The following RAD54B variants were observed in gnomAD, a reference collection of about 807,000 sequenced individuals.
The protein encoded by RAD54B is RAD54 homolog B.
RAD54B carries 78 observed loss-of-function variants against 95.8 expected under a neutral mutation model. That is an observed-to-expected ratio of 0.81 (90% CI 0.68 to 0.98). The LOEUF is 0.98. Ranked by LOEUF, RAD54B falls within the 50% of genes least tolerant of loss-of-function variation. The pLI is 0.00. For missense variants in RAD54B, 957 were observed against 1,056.6 expected, an observed-to-expected ratio of 0.91 and a Z score of 1.31; for synonymous variants, 328 against 354.9, an observed-to-expected ratio of 0.92 and a Z score of 0.85.
chr8:94,430,375 T>C, intron 3 of RAD54B: 8 of 984,946 alleles, frequency 8.1e-6, no homozygotes, highest in South Asian at 9.4e-5. Context: ...TCCAAATTTA[T>C]ATCCCTCAGT....
intron 3 of RAD54B, among the ~76,000 whole-genome samples, chr8:94,441,041 T>G (rs115358929): frequency 9.4e-4 from 143 of 152,316 alleles, no homozygotes; most frequent in African/African-American, 3.4e-3. Context: ...CCAGGCATTG[T>G]ATGGAAGAAC....
chr8:94,447,004 ATAGGGCAAAAAC>A lies in RAD54B; in HGVS notation c.304+11252_304+11263del, dbSNP rs1358944811. Among the ~76,000 whole-genome samples the A allele has an allele frequency of 1.8e-4, 27 of 152,182 alleles. 1 individual carries two copies. On this transcript the variant is annotated intron_variant, in intron 3 of 14. Transcript: ENST00000336148. ...AAAAAAAAAAATCTGTCACATAAAA[ATAGGGCAAAAAC>A]TAGGGTAAATCCAATCTCTAAGAGT...
chr8:94,430,776 T>A lies in RAD54B; in HGVS notation c.305-19461A>T, dbSNP rs1430173548. ...GATTCCTCATTAAAAAATGCAGATT[T>A]CTGGTTTATCCCCGCATGTGAAAAT... On this transcript the variant is annotated intron_variant, in intron 3 of 14. Coordinates refer to ENST00000336148, the MANE Select transcript of RAD54B (RefSeq NM_012415.3). 7.1e-6 allele frequency: 7 copies of A among 985,156 alleles called. No homozygotes were observed. The Admixed American group carries it at 4.3e-4, about 61-fold the overall frequency. 61.0% of individuals were successfully genotyped at this position (985,156 alleles called of 1,614,324 possible). A position where few individuals can be genotyped will look rare whatever the true frequency, so the allele number is the denominator to read the frequency against.
chr8:94,378,030 T>C, intron 14 of RAD54B, 150 bp downstream of exon 14: 2 of 449,994 alleles, frequency 4.4e-6, no homozygotes, highest in Non-Finnish European at 7.8e-6. Context: ...CAAATATCTC[T>C]ATCTGGCAGC....
chr8:94,411,018 A>T, intron 4 of RAD54B, 103 bp downstream of exon 4: 1 of 826,552 alleles, frequency 1.2e-6, no homozygotes, highest in Non-Finnish European at 1.9e-6. Context: ...ATTAAAGAAT[A>T]CCTTATCATC....
intron 3 of RAD54B, chr8:94,427,762 T>C (rs1811978839): frequency 2.8e-5 from 27 of 969,512 alleles, no homozygotes; most frequent in Non-Finnish European, 3.3e-5. Context: ...TAACAAAGCA[T>C]TTAACCATCA....
intron 3 of RAD54B, chr8:94,429,671 C>CA: frequency 2.0e-6 from 2 of 983,532 alleles, no homozygotes; most frequent in Non-Finnish European, 2.4e-6. Context: ...TCATTAGACT[C>CA]AAAGAAAAGT....
At chr8:94,432,322 G>T (rs1667171325) in intron 3 of RAD54B, 1 of 1,550,124 alleles carries the variant, frequency 6.5e-7, no homozygotes. Context: ...TTCAACATTT[G>T]CAGGATCTGA....
Position 94,378,227 on chromosome 8 carries a change from G to A in RAD54B, c.2468C>T (p.Thr823Ile). ...FTLHESSDCV[T>I]HDLLDCECTG... ...ACACTCACAGTCAAGCAGATCATGA[G>A]TAACACAATCTGAACTTTCATGTAA... is the stretch of plus-strand genomic sequence containing the variant. Residue 823 changes from threonine to isoleucine, a missense_variant, in exon 14 of 15, where the codon ACT becomes ATT. By Grantham distance (89) the Thr-to-Ile change is moderately conservative. Transcript: ENST00000336148. 1 of 1,612,898 alleles carries A rather than the reference G, an allele frequency of 6.2e-7. No homozygotes were observed. Among genetic ancestry groups the A allele is most frequent in the South Asian group, 1.1e-5 (1 of 90,914 alleles).
intron 1 of RAD54B, among the ~76,000 whole-genome samples, chr8:94,471,627 T>C (rs1294957774): frequency 1.3e-5 from 2 of 152,092 alleles, no homozygotes; most frequent in African/African-American, 4.8e-5. Flanking sequence ...AATCGTTTTT[T>C]AAAAACTAGA....
intron 3 of RAD54B, chr8:94,428,904 A>G: frequency 1.0e-6 from 1 of 985,290 alleles, no homozygotes; most frequent in Non-Finnish European, 1.2e-6. Flanking sequence ...GATACTCTGT[A>G]AGATAATAAA....
At chr8:94,470,309 G>A (rs6999103) in intron 1 of RAD54B, among the ~76,000 whole-genome samples, 47,398 of 151,652 alleles carry the variant, frequency 0.31, 7,871 homozygotes, top group East Asian at 0.43. Flanking sequence ...AAAAATATAA[G>A]AATTTGAGGC....
At chr8:94,377,769 G>A (rs1810626516) in intron 14 of RAD54B, among the ~76,000 whole-genome samples, 1 of 150,462 alleles carries the variant, frequency 6.6e-6, no homozygotes, top group South Asian at 2.1e-4. Context: ...GAGGTCAGGA[G>A]ATCGAGACCA....
intron 3 of RAD54B, chr8:94,430,930 CT>C (rs1812075921): frequency 3.0e-6 from 3 of 985,330 alleles, no homozygotes; most frequent in Non-Finnish European, 3.6e-6. Context: ...TGCATTTGTG[CT>C]TATATACTCA....
chr8:94,461,890 T>C (rs1812914748), intron 2 of RAD54B, among the ~76,000 whole-genome samples: 1 of 152,200 alleles, frequency 6.6e-6, no homozygotes. Context: ...CAGTATCTAA[T>C]CCACAGTCTA....
At chr8:94,436,414 C>T (rs959496806) in intron 3 of RAD54B, 40 of 1,422,632 alleles carry the variant, frequency 2.8e-5, no homozygotes, top group Non-Finnish European at 3.5e-5. Context: ...GCTTACTATG[C>T]ATATCTCTAT....
At chr8:94,394,031 A>G in intron 8 of RAD54B, 149 bp from the exon 9 acceptor site, 1 of 687,232 alleles carries the variant, frequency 1.5e-6, no homozygotes, top group South Asian at 2.1e-5. Flanking sequence ...AAGAAAGAGC[A>G]GTCAAAGCAA....
At chr8:94,444,047 AT>A (rs1326467312) in intron 3 of RAD54B, among the ~76,000 whole-genome samples, 2 of 152,102 alleles carry the variant, frequency 1.3e-5, no homozygotes, top group Non-Finnish European at 2.9e-5. Context: ...TTTATATTAA[AT>A]TTTATGCTTA....
intron 3 of RAD54B, among the ~76,000 whole-genome samples, chr8:94,449,301 A>C (rs976124970): frequency 2.6e-5 from 4 of 151,562 alleles, no homozygotes; most frequent in African/African-American, 9.7e-5. Context: ...TGACCCATCT[A>C]AAAAATAATG....
Sources: gnomAD v4.1 joint callset for allele counts (sites outside exome capture counted in the v4.1 genomes callset) on GRCh38, gnomAD v4.1.1 for gene constraint, MANE v1.5 for transcripts, NCBI Gene and HGNC (gene_info 2026-07-23, HGNC 2026-07-21) for gene names.